Variants in STPG2 observed in about 807,000 individuals in gnomAD.
STPG2 encodes the protein sperm tail PG-rich repeat containing 2.
In STPG2, 56 loss-of-function variants were observed where a neutral mutation model predicts 54.2. The ratio of observed to expected loss-of-function variants is 1.03; its 90% CI spans 0.83 to 1.29. The LOEUF is 1.29. Among genes scored for constraint, STPG2 ranks in the 50% most tolerant of loss-of-function variants. The pLI is 0.00. For synonymous variants in STPG2, 200 were observed against 181.8 expected (o/e 1.10, Z -0.81); for missense variants, 596 against 544.9 (o/e 1.09, Z -0.93).
At chr4:97,923,424 G>A (rs1248216898) in intron 8 of STPG2, among the ~76,000 whole-genome samples, 1 of 152,248 alleles carries the variant, frequency 6.6e-6, no homozygotes, top group Non-Finnish European at 1.5e-5. Flanking sequence ...GCGCAGGACT[G>A]GCAGGCAGCT....
At chr4:97,831,706 A>G (rs555657302) in intron 9 of STPG2, among the ~76,000 whole-genome samples, 5 of 152,208 alleles carry the variant, frequency 3.3e-5, no homozygotes, top group Admixed American at 2.0e-4. Flanking sequence ...TGATCCCACA[A>G]AAATACAAAC....
intron 4 of STPG2, chr4:97,441,527 G>T (rs1729081108): frequency 6.6e-6 from 1 of 151,956 alleles, no homozygotes; most frequent in Middle Eastern, 3.4e-3. Context: ...ATTACCTTTG[G>T]ACTATATCTG....
intron 5 of STPG2, among the ~76,000 whole-genome samples, chr4:98,042,509 G>T (rs1736994747): frequency 1.3e-5 from 2 of 151,574 alleles, no homozygotes; most frequent in South Asian, 4.2e-4. Flanking sequence ...AGATGTTCTG[G>T]TATGTTGTGT....
Position 97,771,133 on chromosome 4 carries a change from C to A in STPG2, c.1205-58319G>T, listed in dbSNP as rs117629405. On this transcript the variant is annotated intron_variant, in intron 9 of 10. Transcript: ENST00000295268. Reference sequence around the variant, plus strand: ...AATATACTGAATGCTGCCATTATTTCTTGTACTTGTGAACAAGGAATTTGT... The same window carrying A: ...AATATACTGAATGCTGCCATTATTTATTGTACTTGTGAACAAGGAATTTGT... Among the ~76,000 whole-genome samples the A allele has an allele frequency of 5.1e-4, 78 of 152,182 alleles. No homozygotes were observed. In the East Asian group the frequency reaches 5.2e-3, roughly 10 times the overall value.
chr4:97,580,207 T>C (rs1395517573), intron 10 of STPG2, among the ~76,000 whole-genome samples: 1 of 152,002 alleles, frequency 6.6e-6, no homozygotes, highest in Admixed American at 6.6e-5. Flanking sequence ...TGTCCGTATT[T>C]ATTCTGCAAT....
At chr4:98,014,694 T>G (rs1259949617) in intron 5 of STPG2, among the ~76,000 whole-genome samples, 1 of 152,208 alleles carries the variant, frequency 6.6e-6, no homozygotes, top group Non-Finnish European at 1.5e-5. Flanking sequence ...ACTATATTCC[T>G]TATAGTCAAT....
At chr4:97,667,619 C>G (rs573405021) in intron 10 of STPG2, among the ~76,000 whole-genome samples, 78 of 152,226 alleles carry the variant, frequency 5.1e-4, no homozygotes, top group Admixed American at 1.5e-3. Context: ...CACAAAAAAA[C>G]TCATATTGAG....
chr4:97,946,503 T>C (rs954950646), intron 7 of STPG2, among the ~76,000 whole-genome samples: 1 of 152,224 alleles, frequency 6.6e-6, no homozygotes, highest in African/African-American at 2.4e-5. Flanking sequence ...TCTTACGTTA[T>C]CTTCTAGAAT....
chr4:98,056,400 A>G (rs1352548345), intron 5 of STPG2, among the ~76,000 whole-genome samples: 3 of 152,154 alleles, frequency 2.0e-5, no homozygotes, highest in Non-Finnish European at 4.4e-5. Flanking sequence ...CCCACGAGGA[A>G]GAAGGAACTC....
At chr4:97,935,569 T>C (rs1043674200) in intron 8 of STPG2, among the ~76,000 whole-genome samples, 1 of 152,214 alleles carries the variant, frequency 6.6e-6, no homozygotes, top group Non-Finnish European at 1.5e-5. Flanking sequence ...CCAGAGCTTC[T>C]TGTACATTGT....
intron 3 of STPG2, 87 bp from the exon 4 acceptor site, chr4:98,109,392 T>C: frequency 1.0e-6 from 1 of 993,290 alleles, no homozygotes; most frequent in Non-Finnish European, 1.5e-6. Context: ...TAAGTCTAAA[T>C]CTAAAGCAAG....
rs1437486222 is a variant in STPG2 at position 98,051,004 on chromosome 4, C to CAAAAAAAAGAAA, written c.612+54937_612+54948dup. Among the ~76,000 whole-genome samples, 3 of 127,858 alleles carry CAAAAAAAAGAAA rather than the reference C, an allele frequency of 2.3e-5. No individual in the cohort carries two copies. The Admixed American group carries it at 2.4e-4, about 10-fold the overall frequency. The allele number at this position is 127,858 out of a possible 152,430, so 83.9% of individuals were successfully genotyped here. On this transcript the variant is annotated intron_variant, in intron 5 of 10. Transcript: ENST00000295268. Reference sequence around the variant, plus strand: ...TGGGCGACACAGAGAGACTCCATCTCAAAAAAAAGAAAAAAAAAAAGGAAA... The same window carrying CAAAAAAAAGAAA: ...TGGGCGACACAGAGAGACTCCATCTCAAAAAAAAGAAAAAAAAAAAGAAAAAAAAAAAGGAAA...
At chr4:97,816,705 C>T (rs1330153007) in intron 9 of STPG2, among the ~76,000 whole-genome samples, 1 of 148,750 alleles carries the variant, frequency 6.7e-6, no homozygotes, top group African/African-American at 2.5e-5. Flanking sequence ...ATCTTCCTTT[C>T]CTTCCTTCCT....
At chr4:97,530,039 T>C (rs1374602051) in intron 4 of STPG2, among the ~76,000 whole-genome samples, 1 of 152,206 alleles carries the variant, frequency 6.6e-6, no homozygotes, top group Non-Finnish European at 1.5e-5. Context: ...AGTTAACTCC[T>C]GTGAAATAAA....
intron 10 of STPG2, among the ~76,000 whole-genome samples, chr4:97,620,189 G>A (rs1360284823): frequency 6.6e-6 from 1 of 152,072 alleles, no homozygotes; most frequent in Admixed American, 6.6e-5. Context: ...TTAAAGGTAG[G>A]TTCCGAAATA....
At chr4:97,856,995 C>T (rs560030846) in intron 8 of STPG2, among the ~76,000 whole-genome samples, 1 of 152,024 alleles carries the variant, frequency 6.6e-6, no homozygotes, top group Non-Finnish European at 1.5e-5. Flanking sequence ...ATCCTGCATC[C>T]CAGAAATGAA....
chr4:97,649,740 G>A (rs1280443871), intron 10 of STPG2, among the ~76,000 whole-genome samples: 1 of 152,066 alleles, frequency 6.6e-6, no homozygotes, highest in Non-Finnish European at 1.5e-5. Context: ...ATCTAAATTT[G>A]TGTGCTACTC....
chr4:98,109,366 A>G, intron 3 of STPG2, 61 bp from the exon 4 acceptor site: 2 of 1,282,124 alleles, frequency 1.6e-6, no homozygotes, highest in Non-Finnish European at 2.2e-6. Flanking sequence ...GTCATGAAAC[A>G]ATGTTTGGCT....
chr4:97,489,401 G>C (rs556696435), intron 4 of STPG2, among the ~76,000 whole-genome samples: 15 of 151,858 alleles, frequency 9.9e-5, no homozygotes, highest in Non-Finnish European at 1.8e-4. Flanking sequence ...ACAGCAGCCA[G>C]AGTAACGTAG....
Sources: gnomAD v4.1 joint callset for allele counts (sites outside exome capture counted in the v4.1 genomes callset) on GRCh38, gnomAD v4.1.1 for gene constraint, MANE v1.5 for transcripts, NCBI Gene and HGNC (gene_info 2026-07-23, HGNC 2026-07-21) for gene names.